DNAH12: variants seen among roughly 807,000 people sequenced by gnomAD.
The protein encoded by DNAH12 is axonemal beta dynein heavy chain 12.
DNAH12 carries 285 observed loss-of-function variants against 371.5 expected under a neutral mutation model. That is an observed-to-expected ratio of 0.77 (90% CI 0.70 to 0.85). DNAH12 has a LOEUF of 0.85. Ranked by LOEUF, DNAH12 falls within the 40% of genes least tolerant of loss-of-function variation. The probability of loss-of-function intolerance (pLI) is 0.00; values close to 1 mark genes in which losing one functional copy is unlikely to be tolerated. For missense variants in DNAH12, 3,611 were observed against 3,689.4 expected (o/e 0.98, Z 0.55); for synonymous variants, 1,200 against 1,213.0 (o/e 0.99, Z 0.22).
At chr3:57,523,376 T>C (rs6768974) in intron 4 of DNAH12, among the ~76,000 whole-genome samples, 134,025 of 152,130 alleles carry the variant, frequency 0.88, 59,600 homozygotes, top group African/African-American at 0.96. Context: ...GAGCAAGACC[T>C]TGTTTAAAAC....
Position 57,436,993 on chromosome 3 carries a change from T to C in DNAH12, c.4613A>G (p.Glu1538Gly). 1 of 1,516,658 alleles carries C rather than the reference T, an allele frequency of 6.6e-7. No individual in the cohort carries two copies. Among genetic ancestry groups the C allele is most frequent in the Admixed American group, 2.5e-5 (1 of 39,638 alleles). 94.0% of individuals were successfully genotyped at this position (1,516,658 alleles called of 1,614,324 possible). Residue 1538 changes from glutamate to glycine, a missense_variant, in exon 30 of 74, where the codon GAA (glutamate) becomes GGA (glycine). Physicochemically the swap from Glu to Gly is moderately conservative, Grantham distance 98. Around this residue, in one of 3 missense-constraint regions of DNAH12, gnomAD observed 2,266 missense variants for 2,236.9 expected, o/e 1.01. Coordinates refer to ENST00000495027, the MANE Select transcript of DNAH12 (RefSeq NM_001366028.2). ...CATTTCATATGTTTGAATTATTTTT[T>C]CAAGAAAAAATTTAACAGGCTGAAG... ...HNLQPVKFFL[E>G]KIIQTYEMMI...
At chr3:57,343,908 T>C (rs2062470714) in intron 60 of DNAH12, among the ~76,000 whole-genome samples, 2 of 152,212 alleles carry the variant, frequency 1.3e-5, no homozygotes, top group African/African-American at 4.8e-5. Context: ...AGGCATAGTA[T>C]CTTCCCTTGA....
chr3:57,472,448 A>G, intron 14 of DNAH12, 98 bp downstream of exon 14: 2 of 1,426,458 alleles, frequency 1.4e-6, no homozygotes, highest in Non-Finnish European at 1.9e-6. Context: ...ACACAAAATT[A>G]CTTTTAAAGT....
chr3:57,383,612 T>C (rs2063440445), intron 49 of DNAH12, among the ~76,000 whole-genome samples: 1 of 126,988 alleles, frequency 7.9e-6, no homozygotes, highest in South Asian at 2.7e-4. Context: ...CCAGGCATGG[T>C]GTCATGTGAC....
chr3:57,358,799 T>C (rs1034119804), intron 58 of DNAH12, among the ~76,000 whole-genome samples: 16 of 152,266 alleles, frequency 1.1e-4, no homozygotes, highest in Admixed American at 2.6e-4. Context: ...ACTTTTATTT[T>C]TTTGAAAGGG....
At chr3:57,307,327 C>T (rs1483479677) in intron 69 of DNAH12, among the ~76,000 whole-genome samples, 1 of 152,188 alleles carries the variant, frequency 6.6e-6, no homozygotes, top group African/African-American at 2.4e-5. Flanking sequence ...ACTCCTCTTT[C>T]CATTCCTTGA....
At chr3:57,311,437 A>T (rs1469354844) in intron 66 of DNAH12, among the ~76,000 whole-genome samples, 7 of 152,232 alleles carry the variant, frequency 4.6e-5, no homozygotes, top group Admixed American at 4.6e-4. Flanking sequence ...ATAAAGACAT[A>T]TTGCTTCTGT....
In DNAH12 at chr3:57,357,248, G is replaced by A. The variant is rs1290458137; in HGVS notation, c.9461C>T (p.Ala3154Val). The A allele has an allele frequency of 1.3e-5, 2 of 152,090 alleles. No homozygotes were observed. Among genetic ancestry groups the A allele is most frequent in the Non-Finnish European group, 2.9e-5 (2 of 68,018 alleles). The allele number at this position is 152,090 out of a possible 1,614,324, so 9.4% of individuals were successfully genotyped here. A position where few individuals can be genotyped will look rare whatever the true frequency, so the allele number is the denominator to read the frequency against. ...GTACTGATACATGGGATCAATATTA[G>A]CCAGGTCTGCAATGCTAAAGAATAA... is the stretch of plus-strand genomic sequence containing the variant. ...SVLFFSIADL[A>V]NIDPMYQYSL... is the part of the protein sequence containing the mutation. The change falls in exon 59 of 74, where the codon GCT becomes GTT. Residue 3154 changes from alanine to valine, a missense_variant. Coordinates refer to ENST00000495027, the MANE Select transcript of DNAH12 (RefSeq NM_001366028.2).
intron 60 of DNAH12, among the ~76,000 whole-genome samples, chr3:57,344,686 G>A (rs1350708530): frequency 6.6e-6 from 1 of 152,144 alleles, no homozygotes; most frequent in Non-Finnish European, 1.5e-5. Flanking sequence ...AAATACGCCA[G>A]GAACACAAAG....
Position 57,504,119 on chromosome 3 carries a change from A to G in DNAH12, c.983T>C (p.Ile328Thr), listed in dbSNP as rs1376067513. 1.2e-6 allele frequency: 2 copies of G among 1,613,958 alleles called. No individual in the cohort carries two copies. Among genetic ancestry groups the G allele is most frequent in the Non-Finnish European group, 8.5e-7 (1 of 1,179,910 alleles). The change falls in exon 9 of 74, where the codon ATA becomes ACA. Residue 328 changes from isoleucine to threonine, a missense_variant. Physicochemically the swap from Ile to Thr is moderately conservative, Grantham distance 89. Coordinates refer to ENST00000495027, the MANE Select transcript of DNAH12 (RefSeq NM_001366028.2). ...TTTGTCGTCATCAAATGTCAATTCT[A>G]TCTTAAATATTGGCAGCCTTTGTTG... Reference protein sequence around the residue: ...KDQQRLPIFKIELTFDDDKME... With the variant: ...KDQQRLPIFKTELTFDDDKME...
intron 19 of DNAH12, 118 bp from the exon 20 acceptor site, chr3:57,459,904 C>T (rs753720861): frequency 1.1e-6 from 1 of 877,938 alleles, no homozygotes; most frequent in African/African-American, 1.7e-5. Context: ...CATCTCACAG[C>T]TTAAGGTTAC....
At chr3:57,302,284 A>G (rs1319993386) in intron 69 of DNAH12, among the ~76,000 whole-genome samples, 9 of 151,994 alleles carry the variant, frequency 5.9e-5, no homozygotes, top group Non-Finnish European at 1.3e-4. Flanking sequence ...CAAATATGAA[A>G]AAGCTGTAAT....
chr3:57,380,802 T>G (rs1253909187), intron 50 of DNAH12, among the ~76,000 whole-genome samples: 6 of 152,214 alleles, frequency 3.9e-5, no homozygotes, highest in African/African-American at 1.4e-4. Context: ...TACATCTCCT[T>G]GGAAATTAAG....
intron 12 of DNAH12, among the ~76,000 whole-genome samples, chr3:57,487,426 A>G (rs201720307): frequency 1.6e-3 from 188 of 114,032 alleles, no homozygotes; most frequent in African/African-American, 5.7e-3. Flanking sequence ...AAGAAAGAAA[A>G]AAAAGAAAGA....
intron 35 of DNAH12, among the ~76,000 whole-genome samples, 194 bp from the exon 36 acceptor site, chr3:57,421,900 G>A (rs1448519915): frequency 1.0e-4 from 10 of 97,706 alleles, no homozygotes; most frequent in African/African-American, 4.2e-4. Context: ...ATGTTTGCAT[G>A]TCTTTTTTTT....
intron 38 of DNAH12, among the ~76,000 whole-genome samples, chr3:57,414,130 G>A (rs2064292373): frequency 6.8e-6 from 1 of 146,902 alleles, no homozygotes; most frequent in African/African-American, 2.6e-5. Context: ...TTTCTGTAGG[G>A]AAATCATACC....
At chr3:57,502,213 C>G in intron 10 of DNAH12, 110 bp downstream of exon 10, 1 of 1,433,290 alleles carries the variant, frequency 7.0e-7, no homozygotes, top group Non-Finnish European at 9.6e-7. Flanking sequence ...ATGCTCACTT[C>G]TGGCTCTCCC....
intron 62 of DNAH12, among the ~76,000 whole-genome samples, chr3:57,329,140 G>C (rs1483346392): frequency 6.8e-6 from 1 of 146,734 alleles, no homozygotes; most frequent in East Asian, 2.0e-4. Context: ...TACTGCCCAA[G>C]GTAATTTATA....
At chr3:57,384,268 C>T (rs2063456043) in intron 49 of DNAH12, among the ~76,000 whole-genome samples, 1 of 152,094 alleles carries the variant, frequency 6.6e-6, no homozygotes, top group East Asian at 1.9e-4. Context: ...TGTACAGAAC[C>T]ACTTTGGCCT....
Sources: gnomAD v4.1 joint callset for allele counts (sites outside exome capture counted in the v4.1 genomes callset) on GRCh38, gnomAD v4.1.1 for gene constraint, gnomAD v4.1.1 regional missense constraint, MANE v1.5 for transcripts, NCBI Gene and HGNC (gene_info 2026-07-23, HGNC 2026-07-21) for gene names.